CCDC83: variants seen among roughly 807,000 people sequenced by gnomAD.
CCDC83 encodes the protein coiled-coil domain containing 83.
CCDC83 carries 54 observed loss-of-function variants against 50.1 expected under a neutral mutation model. The observed-to-expected ratio is 1.08, with a 90% CI of 0.87 to 1.35. The LOEUF (loss-of-function observed/expected upper bound fraction) is 1.35. CCDC83 is among the 40% of genes most tolerant of loss of function. The probability of loss-of-function intolerance (pLI) is 0.00; values close to 1 mark genes in which losing one functional copy is unlikely to be tolerated. For synonymous variants in CCDC83, 161 were observed against 153.3 expected, an observed-to-expected ratio of 1.05 and a Z score of -0.37; for missense variants, 518 against 473.9, an observed-to-expected ratio of 1.09 and a Z score of -0.86.
chr11:85,860,912 A>G (rs886918500), intron 1 of CCDC83, among the ~76,000 whole-genome samples: 2 of 152,214 alleles, frequency 1.3e-5, no homozygotes, highest in African/African-American at 2.4e-5. Flanking sequence ...TGTTCTCACT[A>G]TAAGTGCAAG....
At chr11:85,859,713 A>T (rs1403069430) in intron 1 of CCDC83, among the ~76,000 whole-genome samples, 1 of 152,226 alleles carries the variant, frequency 6.6e-6, no homozygotes, top group Non-Finnish European at 1.5e-5. Flanking sequence ...AAAACAACAA[A>T]CACTCTAGAA....
At chr11:85,896,328 G>A (rs2093375054) in intron 6 of CCDC83, among the ~76,000 whole-genome samples, 1 of 147,698 alleles carries the variant, frequency 6.8e-6, no homozygotes, top group African/African-American at 2.5e-5. Flanking sequence ...TTGAGCCCAG[G>A]AGATCGAGGC....
intron 1 of CCDC83, among the ~76,000 whole-genome samples, chr11:85,863,928 T>C (rs769675992): frequency 2.0e-5 from 3 of 152,260 alleles, no homozygotes; most frequent in Non-Finnish European, 4.4e-5. Flanking sequence ...TCAGACACTA[T>C]GCTAGGTGCT....
intron 3 of CCDC83, 139 bp from the exon 4 acceptor site, chr11:85,882,374 T>A (rs945460105): frequency 1.4e-6 from 1 of 705,556 alleles, no homozygotes; most frequent in African/African-American, 1.8e-5. Flanking sequence ...CACCTCATAA[T>A]GTCTGATGGA....
intron 10 of CCDC83, among the ~76,000 whole-genome samples, chr11:85,917,155 AGAGAGAGAGAG>A (rs1565159874): frequency 1.0e-5 from 1 of 100,178 alleles, no homozygotes; most frequent in South Asian, 2.9e-4. Context: ...AGAGAGAGAG[AGAGAGAGAGAG>A]AGAAAGAAAG....
rs1012173363 is a variant in CCDC83 at position 85,884,682 on chromosome 11, T to C, written c.344-1518T>C. On this transcript the variant is annotated intron_variant, in intron 4 of 10. Transcript: ENST00000342404. The stretch of plus-strand genomic sequence containing the variant: ...CAAACAAAAATCTCTGGGGCGTATG[T>C]GTTACTAGAAGGGAAGGGAAGAAGT... 3.9e-5 allele frequency among the ~76,000 whole-genome samples: 6 copies of C among 152,154 alleles called. No homozygotes were observed. The South Asian group carries it at 6.2e-4, about 16-fold the overall frequency.
chr11:85,908,592 TAGATA>T (rs1287111320), intron 7 of CCDC83, among the ~76,000 whole-genome samples: 4 of 148,908 alleles, frequency 2.7e-5, no homozygotes, highest in Admixed American at 7.0e-5. Context: ...GATAGATAGA[TAGATA>T]GATAGATAGA....
chr11:85,883,312 T>G (rs561543964), intron 4 of CCDC83, among the ~76,000 whole-genome samples: 2 of 151,958 alleles, frequency 1.3e-5, no homozygotes, highest in Admixed American at 1.3e-4. Context: ...TTTTTTTAAT[T>G]CTGTTGTTTG....
intron 7 of CCDC83, among the ~76,000 whole-genome samples, chr11:85,904,347 C>G (rs1042059908): frequency 2.0e-5 from 3 of 152,158 alleles, no homozygotes; most frequent in African/African-American, 7.2e-5. Context: ...AGTTTGAACT[C>G]TAGCAGGTAA....
At chr11:85,865,653 C>G (rs1035288149) in intron 2 of CCDC83, among the ~76,000 whole-genome samples, 3 of 152,002 alleles carry the variant, frequency 2.0e-5, no homozygotes, top group Non-Finnish European at 4.4e-5. Flanking sequence ...TTTGGGAGAC[C>G]AAAGCAGGCG....
rs2093312168 is a variant in CCDC83 at position 85,883,559 on chromosome 11, T to C, written c.343+884T>C. ...GTAGGCTTAGGAAATACCATGGTAC[T>C]GAGGGTAAATCATGCAGTTCTGACA... On this transcript the variant is annotated intron_variant, in intron 4 of 10. Transcript: ENST00000342404. 2.0e-5 allele frequency among the ~76,000 whole-genome samples: 3 copies of C among 152,248 alleles called. No homozygotes were observed. The South Asian group carries it at 6.2e-4, about 32-fold the overall frequency.
intron 2 of CCDC83, among the ~76,000 whole-genome samples, chr11:85,867,768 T>A (rs2093215859): frequency 6.6e-6 from 1 of 152,192 alleles, no homozygotes; most frequent in Non-Finnish European, 1.5e-5. Flanking sequence ...TTAACAAAGG[T>A]TTACAAAAAG....
intron 5 of CCDC83, among the ~76,000 whole-genome samples, chr11:85,891,787 T>A (rs1255919087): frequency 6.6e-6 from 1 of 152,216 alleles, no homozygotes; most frequent in Non-Finnish European, 1.5e-5. Flanking sequence ...GAGTTAGATA[T>A]AATTAGGCCA....
intron 8 of CCDC83, among the ~76,000 whole-genome samples, chr11:85,914,583 TC>T (rs2093468989): frequency 1.3e-5 from 2 of 152,126 alleles, no homozygotes; most frequent in Non-Finnish European, 2.9e-5. Flanking sequence ...TCAAAAGTGG[TC>T]TTTCAGGACA....
At chr11:85,897,894 C>T (rs548159300) in intron 6 of CCDC83, among the ~76,000 whole-genome samples, 1 of 152,280 alleles carries the variant, frequency 6.6e-6, no homozygotes, top group South Asian at 2.1e-4. Context: ...CGGTGGCTCA[C>T]ACCTGTAATC....
intron 10 of CCDC83, among the ~76,000 whole-genome samples, chr11:85,917,130 A>G (rs867459200): frequency 0.015 from 1,015 of 69,230 alleles, 26 homozygotes; most frequent in African/African-American, 0.068. Context: ...AAAAAAGAAA[A>G]AGAAAGAGAG....
intron 4 of CCDC83, among the ~76,000 whole-genome samples, chr11:85,883,866 A>C (rs536896446): frequency 6.6e-6 from 1 of 152,296 alleles, no homozygotes; most frequent in African/African-American, 2.4e-5. Context: ...TCAATAGGCA[A>C]GTTTCATTTT....
intron 7 of CCDC83, among the ~76,000 whole-genome samples, chr11:85,906,957 T>G (rs1156529860): frequency 6.6e-6 from 1 of 152,156 alleles, no homozygotes; most frequent in Non-Finnish European, 1.5e-5. Context: ...GTAATAGATT[T>G]AATTTCTCTT....
intron 6 of CCDC83, among the ~76,000 whole-genome samples, chr11:85,895,800 G>GC: frequency 6.6e-6 from 1 of 152,228 alleles, no homozygotes; most frequent in African/African-American, 2.4e-5. Flanking sequence ...CTCACAAGAA[G>GC]CAACAGCTCA....
Sources: gnomAD v4.1 joint callset for allele counts (sites outside exome capture counted in the v4.1 genomes callset) on GRCh38, gnomAD v4.1.1 for gene constraint, MANE v1.5 for transcripts, NCBI Gene and HGNC (gene_info 2026-07-23, HGNC 2026-07-21) for gene names.